Variants in MYH16 observed in about 807,000 individuals in gnomAD.
MYH16 encodes the protein myosin heavy chain 16.
At chr7:99,308,482 A>G (rs150552333), downstream of MYH16, among the ~76,000 whole-genome samples, 3 of 151,600 alleles carry the variant, frequency 2.0e-5, no homozygotes, top group African/African-American at 7.3e-5. Context: ...AAGATCAATC[A>G]CTCCTTTTCC....
chr7:99,294,680 C>T (rs1342518684), intron 33 of MYH16, among the ~76,000 whole-genome samples: 1 of 151,476 alleles, frequency 6.6e-6, no homozygotes, highest in Non-Finnish European at 1.5e-5. Flanking sequence ...ATTCTCATTC[C>T]TCAGCCTCCT....
intron 23 of MYH16, 90 bp from the exon 6 acceptor site, chr7:99,283,475 G>T: frequency 2.3e-6 from 1 of 436,706 alleles, no homozygotes; most frequent in Non-Finnish European, 4.6e-6. Flanking sequence ...CCTGGGAGCT[G>T]CATAGCTCAG....
At position 99,290,384 on chromosome 7, in the gene MYH16, G is replaced by A. The variant is rs536354170; in HGVS notation, n.3825-939G>A. Among the ~76,000 whole-genome samples, 15 of 151,790 alleles carry A rather than the reference G, an allele frequency of 9.9e-5. No individual in the cohort carries two copies. In the South Asian group the frequency reaches 3.1e-3, roughly 32 times the overall value. On this transcript the variant is annotated intron_variant and non_coding_transcript_variant, in intron 30 of 41. Coordinates refer to ENST00000439784, the Ensembl canonical transcript of MYH16. ...CACTGGTGGTCCCAGCTACTTGGGA[G>A]GCTGAGGCAGGAGGATTGCTTGAGC...
chr7:99,303,130 T>C (rs941999001), exon 39 of MYH16: 3 of 152,688 alleles, frequency 2.0e-5, no homozygotes, highest in Non-Finnish European at 4.4e-5. Flanking sequence ...CCAACGAGCA[T>C]GAGGAGCTCA....
rs761719210 is a variant in MYH16 at position 99,284,034 on chromosome 7, G to A, written n.3225+16G>A. ...TGGTGAAAAAGTATGTCTTGTCGTC[G>A]TTCGTTTTGTCCATCACAATGGTAG... is the stretch of plus-strand genomic sequence containing the variant. On this transcript the variant is annotated intron_variant and non_coding_transcript_variant, in intron 25 of 41. Transcript: ENST00000439784. The A allele has an allele frequency of 4.1e-5, 18 of 438,804 alleles. No individual in the cohort carries two copies. Among genetic ancestry groups the A allele is most frequent in the East Asian group, 7.0e-5 (1 of 14,332 alleles). The allele number at this position is 438,804 out of a possible 1,614,324, so 27.2% of individuals were successfully genotyped here. A position where few individuals can be genotyped will look rare whatever the true frequency, so the allele number is the denominator to read the frequency against.
At position 99,257,960 on chromosome 7, in the gene MYH16, G is replaced by T. The variant is rs57185355; in HGVS notation, n.1136-162G>T. On this transcript the variant is annotated intron_variant and non_coding_transcript_variant, in intron 10 of 41. Coordinates refer to ENST00000439784, the Ensembl canonical transcript of MYH16. ...CTGTGCCCAGCTGCCACCTGACCTT[G>T]AGCAAGTGTAGAAACTACATCTTTG... Among the ~76,000 whole-genome samples the T allele has an allele frequency of 0.014, 2,084 of 152,208 alleles. 112 individuals carry two copies. The South Asian group carries it at 0.18, about 13-fold the overall frequency.
At chr7:99,298,182 G>A (rs1408249984) in intron 36 of MYH16, among the ~76,000 whole-genome samples, 187 bp downstream of exon 17, 1 of 151,764 alleles carries the variant, frequency 6.6e-6, no homozygotes, top group African/African-American at 2.4e-5. Context: ...TCTAGTTTAT[G>A]AACACTTTGT....
chr7:99,307,724 T>A (rs530576303), downstream of MYH16, among the ~76,000 whole-genome samples: 15 of 152,068 alleles, frequency 9.9e-5, no homozygotes, highest in African/African-American at 3.6e-4. Context: ...GAAAAAAAAG[T>A]CAAAATACTA....
At chr7:99,292,003 T>A (rs746056616) in intron 31 of MYH16, among the ~76,000 whole-genome samples, 5 of 152,038 alleles carry the variant, frequency 3.3e-5, no homozygotes, top group African/African-American at 1.2e-4. Context: ...CTAAAGAAAG[T>A]TACAGATTAT....
intron 10 of MYH16, among the ~76,000 whole-genome samples, chr7:99,257,700 G>A (rs1489452375): frequency 2.0e-5 from 3 of 152,230 alleles, no homozygotes; most frequent in Admixed American, 6.5e-5. Context: ...GCGCAGTGGT[G>A]CAGTCATGCA....
downstream of MYH16, chr7:99,311,112 A>C (rs1052015749): frequency 6.6e-6 from 1 of 152,146 alleles, no homozygotes; most frequent in Non-Finnish European, 1.5e-5. Context: ...AAATAAAAGA[A>C]ACATTAAAAA....
At chr7:99,277,298 T>C (rs1792127899) in intron 20 of MYH16, among the ~76,000 whole-genome samples, 1 of 152,126 alleles carries the variant, frequency 6.6e-6, no homozygotes, top group African/African-American at 2.4e-5. Flanking sequence ...TTAAAGAGCA[T>C]CCTAAGAATT....
chr7:99,274,547 G>A (rs569040211), intron 20 of MYH16, among the ~76,000 whole-genome samples: 13 of 152,340 alleles, frequency 8.5e-5, no homozygotes, highest in Admixed American at 4.6e-4. Context: ...CACACAGGCC[G>A]GCCCTGGAGG....
rs1002327846 is a variant in MYH16, at chr7:99,290,379, T to C, written n.3825-944T>C. 4.1e-5 allele frequency among the ~76,000 whole-genome samples: 6 copies of C among 146,390 alleles called. No homozygotes were observed. The Admixed American group carries it at 4.2e-4, about 10-fold the overall frequency. Reference sequence around the variant, plus strand: ...GCGCACACTGGTGGTCCCAGCTACTTGGGAGGCTGAGGCAGGAGGATTGCT... The same window carrying C: ...GCGCACACTGGTGGTCCCAGCTACTCGGGAGGCTGAGGCAGGAGGATTGCT... On this transcript the variant is annotated intron_variant and non_coding_transcript_variant, in intron 30 of 41. Transcript: ENST00000439784.
intron 2 of MYH16, among the ~76,000 whole-genome samples, chr7:99,243,935 A>C (rs566720672): frequency 5.3e-4 from 80 of 151,968 alleles, no homozygotes; most frequent in Non-Finnish European, 1.0e-3. Context: ...GTATCTATCC[A>C]TCCATCCAAA....
chr7:99,297,807 G>T lies in MYH16; in HGVS notation n.4636+11G>T, dbSNP rs1242862329. ...GAGTCTTCCCTGGAGGTAACCATGG[G>T]GTCATCACCTTGGGGACTGTGGACC... On this transcript the variant is annotated intron_variant and non_coding_transcript_variant, in intron 35 of 41. Transcript: ENST00000439784. 4.4e-6 allele frequency: 2 copies of T among 456,544 alleles called. No individual in the cohort carries two copies. 28.3% of individuals were successfully genotyped at this position (456,544 alleles called of 1,614,324 possible).
At chr7:99,302,317 T>TACACACACACACAC (rs201230482) in intron 38 of MYH16, among the ~76,000 whole-genome samples, 2 of 95,564 alleles carry the variant, frequency 2.1e-5, no homozygotes, top group African/African-American at 4.6e-5. Context: ...AAAAAATATA[T>TACACACACACACAC]ACACACACAC....
chr7:99,276,509 C>T (rs114303718), intron 20 of MYH16, among the ~76,000 whole-genome samples: 2,429 of 152,338 alleles, frequency 0.016, 69 homozygotes, highest in African/African-American at 0.054. Flanking sequence ...GTGGTAGGAC[C>T]GGACGGAGCC....
rs530193344 is a variant in MYH16, at chr7:99,299,056, G to A, written n.4741-410G>A. On this transcript the variant is annotated intron_variant and non_coding_transcript_variant, in intron 36 of 41. Transcript: ENST00000439784. Reference sequence around the variant, plus strand: ...AGCCTGGGCAACATAGCAAAACCCCGCTCTACAAAAAAAAAATAAAAAATA... The same window carrying A: ...AGCCTGGGCAACATAGCAAAACCCCACTCTACAAAAAAAAAATAAAAAATA... Among the ~76,000 whole-genome samples, 8 of 147,368 alleles carry A rather than the reference G, an allele frequency of 5.4e-5. No individual in the cohort carries two copies. The South Asian group carries it at 1.7e-3, about 32-fold the overall frequency.
Sources: gnomAD v4.1 joint callset for allele counts (sites outside exome capture counted in the v4.1 genomes callset) on GRCh38, gnomAD v4.1.1 for gene constraint, MANE v1.5 for transcripts, NCBI Gene and HGNC (gene_info 2026-07-23, HGNC 2026-07-21) for gene names.